Variants in PTPRN2 observed in about 807,000 individuals in gnomAD.
PTPRN2 encodes receptor-type tyrosine-protein phosphatase N2.
Under a neutral mutation model 118.8 loss-of-function variants are expected in PTPRN2, and 74 were observed. That is an observed-to-expected ratio of 0.62 (90% CI 0.52 to 0.76). The LOEUF is 0.76. Among genes scored for constraint, PTPRN2 ranks in the 30% least tolerant of loss-of-function variants. PTPRN2 has a pLI of 0.00. For missense variants in PTPRN2, 1,481 were observed against 1,394.4 expected (o/e 1.06, Z -0.99); for synonymous variants, 641 against 608.0 (o/e 1.05, Z -0.80).
At chr7:157,810,115 A>G (rs1326197174) in intron 12 of PTPRN2, among the ~76,000 whole-genome samples, 1 of 152,236 alleles carries the variant, frequency 6.6e-6, no homozygotes, top group Non-Finnish European at 1.5e-5. Context: ...CCTGGCCCAC[A>G]ACACCCTGAG....
chr7:158,520,837 C>T (rs138923383), intron 1 of PTPRN2, among the ~76,000 whole-genome samples: 106 of 152,320 alleles, frequency 7.0e-4, no homozygotes, highest in African/African-American at 2.4e-3. Flanking sequence ...CATGTCTGAG[C>T]ACCAGATCGG....
intron 12 of PTPRN2, among the ~76,000 whole-genome samples, chr7:157,806,001 G>A (rs1262095466): frequency 6.6e-6 from 1 of 152,180 alleles, no homozygotes; most frequent in African/African-American, 2.4e-5. Flanking sequence ...GATGCTGAGT[G>A]CACCTGAAAG....
intron 11 of PTPRN2, among the ~76,000 whole-genome samples, chr7:157,912,902 G>C (rs1332980493): frequency 3.9e-5 from 6 of 152,150 alleles, no homozygotes; most frequent in Non-Finnish European, 8.8e-5. Context: ...AGTAGTTTAT[G>C]CTGTCTACAC....
chr7:157,755,296 C>G (rs1319451025), intron 12 of PTPRN2, among the ~76,000 whole-genome samples: 2 of 152,238 alleles, frequency 1.3e-5, no homozygotes, highest in African/African-American at 4.8e-5. Context: ...AAACCCAGTA[C>G]TGTGCCAAAT....
intron 14 of PTPRN2, among the ~76,000 whole-genome samples, chr7:157,641,160 G>A (rs943771785): frequency 6.6e-6 from 1 of 152,208 alleles, no homozygotes; most frequent in Admixed American, 6.5e-5. Context: ...GGGCAGAAAT[G>A]TGAACTCCAG....
At chr7:158,012,988 G>A (rs186183328) in intron 11 of PTPRN2, among the ~76,000 whole-genome samples, 192 of 152,316 alleles carry the variant, frequency 1.3e-3, no homozygotes, top group African/African-American at 4.1e-3. Context: ...TCAGACAGAA[G>A]TAGAGATTTA....
intron 12 of PTPRN2, among the ~76,000 whole-genome samples, chr7:157,720,515 A>G (rs1780214639): frequency 6.6e-6 from 1 of 152,132 alleles, no homozygotes; most frequent in Non-Finnish European, 1.5e-5. Flanking sequence ...CCAGCGGCCG[A>G]CCCTGCTTCC....
intron 1 of PTPRN2, among the ~76,000 whole-genome samples, chr7:158,557,845 T>C (rs1827146992): frequency 6.6e-6 from 1 of 152,214 alleles, no homozygotes; most frequent in South Asian, 2.1e-4. Context: ...ACCCCCGTGG[T>C]CCACTCTCCT....
At chr7:158,584,187 A>G (rs191654505) in intron 1 of PTPRN2, among the ~76,000 whole-genome samples, 1 of 152,308 alleles carries the variant, frequency 6.6e-6, no homozygotes, top group Non-Finnish European at 1.5e-5. Context: ...ATCATTGGCA[A>G]GTGAAAGTTG....
chr7:157,789,952 GTGGTGGTGACATGTGCGTA>G (rs1804341206), intron 12 of PTPRN2, among the ~76,000 whole-genome samples: 1 of 149,986 alleles, frequency 6.7e-6, no homozygotes, highest in Admixed American at 6.6e-5. Context: ...TGGTGTGTGT[GTGGTGGTGACATGTGCGTA>G]TGGTGGTGTG....
chr7:157,637,718 T>C (rs1804405757), intron 14 of PTPRN2, among the ~76,000 whole-genome samples: 1 of 152,162 alleles, frequency 6.6e-6, no homozygotes. Context: ...ATGACGACAG[T>C]GGTTCTAACA....
chr7:158,071,015 G>T (rs1204882286), intron 11 of PTPRN2, among the ~76,000 whole-genome samples: 3 of 98,620 alleles, frequency 3.0e-5, no homozygotes, highest in African/African-American at 4.7e-5. Context: ...TGGTGGAGGT[G>T]CTCGTGGTGG....
intron 2 of PTPRN2, among the ~76,000 whole-genome samples, chr7:158,354,432 C>T (rs1808233094): frequency 6.6e-6 from 1 of 151,974 alleles, no homozygotes; most frequent in Non-Finnish European, 1.5e-5. Context: ...AAATGGCAGC[C>T]CTAAGGAAAC....
At chr7:158,044,940 C>A (rs7785108) in intron 11 of PTPRN2, among the ~76,000 whole-genome samples, 79,271 of 152,040 alleles carry the variant, frequency 0.52, 21,331 homozygotes, top group Non-Finnish European at 0.56. Context: ...AGGGCAGCCC[C>A]AAACAATAAC....
At chr7:158,582,796 C>CA (rs1156687117) in intron 1 of PTPRN2, among the ~76,000 whole-genome samples, 10,993 of 43,920 alleles carry the variant, frequency 0.25, 2,006 homozygotes, top group Non-Finnish European at 0.29. Context: ...GACTCCATCT[C>CA]AAAAAAAAAA....
At chr7:158,393,439 A>G (rs988391279) in intron 2 of PTPRN2, among the ~76,000 whole-genome samples, 4 of 152,194 alleles carry the variant, frequency 2.6e-5, no homozygotes, top group Non-Finnish European at 5.9e-5. Flanking sequence ...GGGCAACTTC[A>G]GCCTCCACAC....
intron 12 of PTPRN2, among the ~76,000 whole-genome samples, chr7:157,772,916 G>GTGA (rs1183899582): frequency 1.3e-5 from 2 of 152,198 alleles, no homozygotes; most frequent in Non-Finnish European, 2.9e-5. Context: ...GGAGGCCTGG[G>GTGA]TGATATGGTC....
chr7:158,039,631 C>T (rs1808313080), intron 11 of PTPRN2, among the ~76,000 whole-genome samples: 1 of 152,184 alleles, frequency 6.6e-6, no homozygotes, highest in Non-Finnish European at 1.5e-5. Flanking sequence ...CAGTAAACAG[C>T]CTAACTCACA....
In PTPRN2 at chr7:158,311,807, T is replaced by C. The variant is rs111965001; in HGVS notation, c.277+5012A>G. Among the ~76,000 whole-genome samples, 335 of 152,310 alleles carry C rather than the reference T, an allele frequency of 2.2e-3. 3 individuals carry two copies. Among genetic ancestry groups the C allele is most frequent in the African/African-American group, 7.4e-3 (307 of 41,562 alleles). ...CTGAAAAACCTGCATATGAACATGC[T>C]CACGTGTAGACACCCACACACATGC... On this transcript the variant is annotated intron_variant, in intron 3 of 22. Coordinates refer to ENST00000389418, the MANE Select transcript of PTPRN2 (RefSeq NM_002847.5).
Sources: allele counts gnomAD v4.1 joint callset (sites outside exome capture counted in the v4.1 genomes callset), GRCh38; gene constraint gnomAD v4.1.1; transcripts MANE v1.5; gene names NCBI Gene and HGNC (gene_info 2026-07-23, HGNC 2026-07-21).